FAM227B: variants seen among roughly 807,000 people sequenced by gnomAD.
FAM227B encodes the protein family with sequence similarity 227 member B, also known as protein FAM227B.
Under a neutral mutation model 73.8 loss-of-function variants are expected in FAM227B, and 88 were observed. The observed-to-expected ratio is 1.19, with a 90% CI of 1.00 to 1.42. The LOEUF is 1.42. Ranked by LOEUF, FAM227B falls within the 40% of genes most tolerant of loss-of-function variation. The probability of loss-of-function intolerance (pLI) is 0.00; values close to 1 mark genes in which losing one functional copy is unlikely to be tolerated. For synonymous variants in FAM227B, 210 were observed against 190.5 expected (o/e 1.10, Z -0.84); for missense variants, 632 against 590.9 (o/e 1.07, Z -0.72).
At chr15:49,605,949 G>A (rs1337183632) in intron 3 of FAM227B, among the ~76,000 whole-genome samples, 1 of 152,166 alleles carries the variant, frequency 6.6e-6, no homozygotes, top group East Asian at 1.9e-4. Flanking sequence ...GGGTGGGCTT[G>A]CACAGTCCTC....
At chr15:49,478,934 T>A (rs2055622842) in intron 11 of FAM227B, among the ~76,000 whole-genome samples, 1 of 152,316 alleles carries the variant, frequency 6.6e-6, no homozygotes, top group South Asian at 2.1e-4. Context: ...GAGGGACACC[T>A]AAAATTATGA....
chr15:49,568,901 T>C (rs1042119100), intron 8 of FAM227B, among the ~76,000 whole-genome samples: 4 of 151,420 alleles, frequency 2.6e-5, no homozygotes, highest in African/African-American at 7.2e-5. Context: ...AACTTACAGG[T>C]TGAGTTAGAA....
intron 9 of FAM227B, among the ~76,000 whole-genome samples, chr15:49,546,480 G>A (rs1388365400): frequency 3.3e-5 from 5 of 152,094 alleles, no homozygotes; most frequent in Admixed American, 1.3e-4. Flanking sequence ...ACCCAGTAAC[G>A]GGATGGCTGG....
At chr15:49,435,462 C>G (rs918074781) in intron 11 of FAM227B, among the ~76,000 whole-genome samples, 1 of 151,602 alleles carries the variant, frequency 6.6e-6, no homozygotes, top group African/African-American at 2.4e-5. Context: ...TTTATGCCCT[C>G]TAATTCATGA....
chr15:49,381,524 G>C (rs988171961), intron 11 of FAM227B, among the ~76,000 whole-genome samples: 2 of 152,114 alleles, frequency 1.3e-5, no homozygotes, highest in Non-Finnish European at 2.9e-5. Context: ...TTCTTCTCAT[G>C]TAAAAATTAT....
At chr15:49,449,836 T>C (rs1305226291) in intron 11 of FAM227B, among the ~76,000 whole-genome samples, 1 of 152,014 alleles carries the variant, frequency 6.6e-6, no homozygotes, top group Non-Finnish European at 1.5e-5. Flanking sequence ...AGATCAGATA[T>C]CCATAAAGAT....
intron 11 of FAM227B, among the ~76,000 whole-genome samples, chr15:49,470,693 A>C (rs1056342376): frequency 3.9e-5 from 6 of 152,222 alleles, no homozygotes; most frequent in Non-Finnish European, 5.9e-5. Context: ...GGAATGTGTA[A>C]ATGTGATAGA....
intron 3 of FAM227B, 144 bp from the exon 4 acceptor site, chr15:49,590,151 A>T: frequency 1.7e-6 from 1 of 581,104 alleles, no homozygotes; most frequent in Admixed American, 3.5e-5. Context: ...AAACAATCAC[A>T]AACGTCAGAA....
rs189629531 is a variant in FAM227B, at chr15:49,377,479, A to G, written c.1013-6080T>C. The stretch of plus-strand genomic sequence containing the variant: ...AGTGGCTGTACTAATTTACATTTCC[A>G]CAAACAGTGTATGAGGGTTCCCTTT... On this transcript the variant is annotated intron_variant, in intron 11 of 15. Coordinates refer to ENST00000299338, the MANE Select transcript of FAM227B (RefSeq NM_152647.3). Among the ~76,000 whole-genome samples the G allele has an allele frequency of 2.0e-3, 301 of 152,194 alleles. 2 individuals are homozygous for G. The highest frequency in any genetic ancestry group is 6.8e-3 in the African/African-American group (284 of 41,518).
chr15:49,607,849 T>C (rs1318602803), intron 3 of FAM227B, among the ~76,000 whole-genome samples: 1 of 152,202 alleles, frequency 6.6e-6, no homozygotes, highest in Non-Finnish European at 1.5e-5. Flanking sequence ...AGATCATATC[T>C]TGTAGCAGAT....
At chr15:49,463,550 C>CAAAAAAA (rs34545202) in intron 11 of FAM227B, among the ~76,000 whole-genome samples, 3 of 125,914 alleles carry the variant, frequency 2.4e-5, no homozygotes, top group African/African-American at 9.0e-5. Flanking sequence ...GATTCCGTCT[C>CAAAAAAA]AAAAAAAAAA....
chr15:49,334,018 C>G (rs1481152311), intron 14 of FAM227B, among the ~76,000 whole-genome samples: 2 of 152,084 alleles, frequency 1.3e-5, no homozygotes, highest in Admixed American at 1.3e-4. Context: ...AGCTTAAGTC[C>G]TATGGCTGGA....
At chr15:49,440,648 C>T (rs1597207979) in intron 11 of FAM227B, among the ~76,000 whole-genome samples, 1 of 151,658 alleles carries the variant, frequency 6.6e-6, no homozygotes. Flanking sequence ...ATTTGTCAGG[C>T]ACAGTGCTTG....
intron 11 of FAM227B, among the ~76,000 whole-genome samples, chr15:49,440,429 A>C (rs1185663724): frequency 1.3e-5 from 2 of 151,784 alleles, no homozygotes; most frequent in Non-Finnish European, 2.9e-5. Context: ...AGATCAGCAA[A>C]TTGATTATAG....
intron 11 of FAM227B, among the ~76,000 whole-genome samples, chr15:49,412,361 C>T (rs2048924900): frequency 6.6e-6 from 1 of 152,030 alleles, no homozygotes. Flanking sequence ...AGCAACTCTA[C>T]TACTATGTTT....
chr15:49,389,399 C>T (rs1158683659), intron 11 of FAM227B, among the ~76,000 whole-genome samples: 1 of 151,856 alleles, frequency 6.6e-6, no homozygotes, highest in Non-Finnish European at 1.5e-5. Flanking sequence ...AACTGAAAAC[C>T]ATATGTTCTC....
intron 11 of FAM227B, among the ~76,000 whole-genome samples, chr15:49,494,199 T>C (rs1425203420): frequency 6.6e-6 from 1 of 151,426 alleles, no homozygotes; most frequent in African/African-American, 2.4e-5. Flanking sequence ...TAAATATGCA[T>C]ATATTAAACA....
intron 11 of FAM227B, among the ~76,000 whole-genome samples, chr15:49,387,755 T>C (rs1371963350): frequency 6.6e-6 from 1 of 151,798 alleles, no homozygotes; most frequent in African/African-American, 2.4e-5. Flanking sequence ...AAAAGACTCT[T>C]AGATTTAATA....
chr15:49,555,777 T>C (rs2073602775), intron 9 of FAM227B, among the ~76,000 whole-genome samples: 1 of 152,248 alleles, frequency 6.6e-6, no homozygotes, highest in Non-Finnish European at 1.5e-5. Context: ...TCTGATTGGT[T>C]GATTTTGGAG....
Sources: gnomAD v4.1 joint callset for allele counts (sites outside exome capture counted in the v4.1 genomes callset) on GRCh38, gnomAD v4.1.1 for gene constraint, MANE v1.5 for transcripts, NCBI Gene and HGNC (gene_info 2026-07-23, HGNC 2026-07-21) for gene names.